Variants in RHBDD1 observed in about 807,000 individuals in gnomAD.
RHBDD1 encodes rhomboid domain containing 1.
In RHBDD1, 38 loss-of-function variants were observed where a neutral mutation model predicts 36.3. The observed-to-expected ratio is 1.05, with a 90% CI of 0.81 to 1.37. The LOEUF is 1.37. Among genes scored for constraint, RHBDD1 ranks in the 40% most tolerant of loss-of-function variants. RHBDD1 has a pLI of 0.00. For synonymous variants in RHBDD1, 151 were observed against 136.5 expected (o/e 1.11, Z -0.74); for missense variants, 393 against 377.6 (o/e 1.04, Z -0.34).
At chr2:226,947,419 G>C (rs1431407657) in intron 8 of RHBDD1, among the ~76,000 whole-genome samples, 1 of 151,826 alleles carries the variant, frequency 6.6e-6, no homozygotes, top group Non-Finnish European at 1.5e-5. Flanking sequence ...TTGTAGATAT[G>C]CGGCGTTATT....
chr2:226,912,477 A>G (rs1280761359), intron 7 of RHBDD1, among the ~76,000 whole-genome samples: 2 of 152,188 alleles, frequency 1.3e-5, no homozygotes, highest in African/African-American at 4.8e-5. Flanking sequence ...TGACACATGG[A>G]TAAACAAAAT....
At chr2:226,961,498 G>T (rs1261619180) in intron 8 of RHBDD1, among the ~76,000 whole-genome samples, 1 of 152,018 alleles carries the variant, frequency 6.6e-6, no homozygotes, top group Non-Finnish European at 1.5e-5. Context: ...GTAACATTTA[G>T]CAAGTCCCTT....
intron 3 of RHBDD1, among the ~76,000 whole-genome samples, chr2:226,862,964 C>T (rs979925665): frequency 6.6e-6 from 1 of 152,136 alleles, no homozygotes; most frequent in African/African-American, 2.4e-5. Flanking sequence ...ATCCCCTGAC[C>T]CCAGGGAGGG....
At chr2:226,844,612 TC>T (rs1942023897) in intron 3 of RHBDD1, among the ~76,000 whole-genome samples, 1 of 152,282 alleles carries the variant, frequency 6.6e-6, no homozygotes, top group African/African-American at 2.4e-5. Flanking sequence ...GACAAAGAAA[TC>T]TGGTGCAGAG....
intron 5 of RHBDD1, among the ~76,000 whole-genome samples, chr2:226,890,857 C>A (rs1331793069): frequency 1.3e-5 from 2 of 151,966 alleles, no homozygotes; most frequent in East Asian, 1.9e-4. Flanking sequence ...CCAGCTCAAG[C>A]AAACCTGATC....
At chr2:226,908,722 A>T in intron 6 of RHBDD1, 100 bp from the exon 7 acceptor site, 1 of 809,922 alleles carries the variant, frequency 1.2e-6, no homozygotes, top group East Asian at 2.4e-5. Flanking sequence ...ATCATTTGAA[A>T]TGACCTTGGG....
chr2:226,931,708 A>G (rs1046997112), intron 8 of RHBDD1, among the ~76,000 whole-genome samples: 2 of 152,080 alleles, frequency 1.3e-5, no homozygotes, highest in East Asian at 1.9e-4. Flanking sequence ...CTATGTGGAA[A>G]TCTGTCCTTC....
chr2:226,835,111 A>C (rs1222262611), upstream of RHBDD1, among the ~76,000 whole-genome samples: 1 of 151,992 alleles, frequency 6.6e-6, no homozygotes, highest in East Asian at 1.9e-4. Context: ...AGGTCTCACT[A>C]TGTTGTCCAG....
intron 7 of RHBDD1, among the ~76,000 whole-genome samples, chr2:226,913,756 C>T (rs1199385428): frequency 1.3e-5 from 2 of 152,106 alleles, no homozygotes; most frequent in South Asian, 2.1e-4. Flanking sequence ...CTGAAGTATT[C>T]TGTGGGATCT....
chr2:226,890,374 A>G (rs1946583999), intron 5 of RHBDD1, among the ~76,000 whole-genome samples: 1 of 152,194 alleles, frequency 6.6e-6, no homozygotes, highest in African/African-American at 2.4e-5. Flanking sequence ...TCTCCTGCAC[A>G]TGAGGAATGG....
chr2:226,874,422 A>C (rs963338404), intron 5 of RHBDD1, among the ~76,000 whole-genome samples: 10 of 152,202 alleles, frequency 6.6e-5, no homozygotes, highest in African/African-American at 2.4e-4. Flanking sequence ...GCTTACAATA[A>C]CACAAATTCC....
intron 8 of RHBDD1, among the ~76,000 whole-genome samples, chr2:226,932,792 A>C (rs1412452584): frequency 4.6e-5 from 7 of 151,968 alleles, no homozygotes; most frequent in Non-Finnish European, 1.0e-4. Context: ...CCCCGGATTT[A>C]GAGGGTATGT....
intron 8 of RHBDD1, among the ~76,000 whole-genome samples, chr2:226,932,652 T>C (rs1950095491): frequency 6.6e-6 from 1 of 152,098 alleles, no homozygotes; most frequent in Non-Finnish European, 1.5e-5. Flanking sequence ...GTGCAATTAC[T>C]TGTTGCTCTA....
At position 226,869,734 on chromosome 2, in the gene RHBDD1, G is replaced by T. The variant is rs373887309; in HGVS notation, c.566+2416G>T. On this transcript the variant is annotated intron_variant, in intron 5 of 8. Transcript: ENST00000392062. Reference sequence around the variant, plus strand: ...GAGTGAAGCAATCTCCCTCATTCACGTGGTGCTTTTGCTTCTCACAGTGTC... The same window carrying T: ...GAGTGAAGCAATCTCCCTCATTCACTTGGTGCTTTTGCTTCTCACAGTGTC... Among the ~76,000 whole-genome samples the T allele has an allele frequency of 9.2e-5, 14 of 152,298 alleles. No homozygotes were observed. The South Asian group carries it at 2.7e-3, about 29-fold the overall frequency.
chr2:226,871,137 T>C (rs1386846882), intron 5 of RHBDD1, among the ~76,000 whole-genome samples: 2 of 152,234 alleles, frequency 1.3e-5, no homozygotes, highest in Non-Finnish European at 2.9e-5. Flanking sequence ...AATATATTTT[T>C]TACTTGTTTC....
At chr2:226,825,277 A>G in the RHBDD1 span, among the ~76,000 whole-genome samples, 1 of 152,204 alleles carries the variant, frequency 6.6e-6, no homozygotes, top group Non-Finnish European at 1.5e-5. Context: ...AGTTGGTTAA[A>G]AAAAAGCAGA....
intron 8 of RHBDD1, among the ~76,000 whole-genome samples, chr2:226,982,081 G>T (rs185428187): frequency 1.3e-5 from 2 of 152,018 alleles, no homozygotes; most frequent in Admixed American, 1.3e-4. Context: ...ACTTCCCCCC[G>T]CCCTCTTTTC....
intron 5 of RHBDD1, among the ~76,000 whole-genome samples, chr2:226,876,877 A>G (rs552869278): frequency 6.6e-6 from 1 of 152,294 alleles, no homozygotes; most frequent in East Asian, 1.9e-4. Context: ...AGATAAGTTT[A>G]TGAAAAATTA....
In RHBDD1 at chr2:226,936,572, C is replaced by A. The variant is rs145355596; in HGVS notation, c.856+22221C>A. Reference sequence around the variant, plus strand: ...TTTGGATGCTGATGAGAAGATTTAACAATAAAAGCGTAAAGAAAAATGTAA... The same window carrying A: ...TTTGGATGCTGATGAGAAGATTTAAAAATAAAAGCGTAAAGAAAAATGTAA... On this transcript the variant is annotated intron_variant, in intron 8 of 8. Coordinates refer to ENST00000392062, the MANE Select transcript of RHBDD1 (RefSeq NM_001167608.3). Among the ~76,000 whole-genome samples the A allele has an allele frequency of 9.3e-3, 1,422 of 152,126 alleles. 11 individuals are homozygous for A. Among genetic ancestry groups the A allele is most frequent in the Non-Finnish European group, 0.014 (973 of 67,950 alleles).
Sources: gnomAD v4.1 joint callset for allele counts (sites outside exome capture counted in the v4.1 genomes callset) on GRCh38, gnomAD v4.1.1 for gene constraint, MANE v1.5 for transcripts, NCBI Gene and HGNC (gene_info 2026-07-23, HGNC 2026-07-21) for gene names.